The following ATP8A2 variants were observed in gnomAD, a reference collection of about 807,000 sequenced individuals.
The protein encoded by ATP8A2 is phospholipid-transporting ATPase IB.
Under a neutral mutation model 165.6 loss-of-function variants are expected in ATP8A2, and 100 were observed. The observed-to-expected ratio is 0.60, with a 90% CI of 0.51 to 0.71. The LOEUF is 0.71. Ranked by LOEUF, ATP8A2 falls within the 30% of genes least tolerant of loss-of-function variation. The probability of loss-of-function intolerance (pLI) is 0.00; values close to 1 mark genes in which losing one functional copy is unlikely to be tolerated. For synonymous variants in ATP8A2, 543 were observed against 548.8 expected (o/e 0.99, Z 0.15); for missense variants, 1,227 against 1,479.5 (o/e 0.83, Z 2.80).
rs370176907 is a variant in ATP8A2, at chr13:25,761,210, G to A, written c.2385-7836G>A. ...CCAAAATAATACCGTCAGTACATCT[G>A]GGCTCTTACATTACTTGTTCAACAA... On this transcript the variant is annotated intron_variant, in intron 25 of 36. Coordinates refer to ENST00000381655, the MANE Select transcript of ATP8A2 (RefSeq NM_016529.6). 2.0e-5 allele frequency among the ~76,000 whole-genome samples: 3 copies of A among 152,228 alleles called. No individual in the cohort carries two copies. The East Asian group carries it at 5.8e-4, about 29-fold the overall frequency.
At chr13:25,743,754 C>T (rs2138159634) in intron 25 of ATP8A2, among the ~76,000 whole-genome samples, 1 of 152,310 alleles carries the variant, frequency 6.6e-6, no homozygotes, top group Non-Finnish European at 1.5e-5. Context: ...ACAAGTTGAT[C>T]AGTTTCATCC....
In ATP8A2 at chr13:25,631,195, G is replaced by A. The variant is rs890331784; in HGVS notation, c.2211+41496G>A. The stretch of plus-strand genomic sequence containing the variant: ...GAAAAACTCATCTTCAAAATTGACA[G>A]CATCACTGTCCAACAGGACTTTCTG... On this transcript the variant is annotated intron_variant, in intron 24 of 36. Coordinates refer to ENST00000381655, the MANE Select transcript of ATP8A2 (RefSeq NM_016529.6). 1.1e-4 allele frequency among the ~76,000 whole-genome samples: 16 copies of A among 151,920 alleles called. 1 individual carries two copies. Among genetic ancestry groups the A allele is most frequent in the African/African-American group, 3.9e-4 (16 of 41,326 alleles).
At chr13:25,708,461 G>T (rs2137964485) in intron 25 of ATP8A2, among the ~76,000 whole-genome samples, 1 of 152,178 alleles carries the variant, frequency 6.6e-6, no homozygotes, top group Non-Finnish European at 1.5e-5. Context: ...ACGTTAATTG[G>T]TCCCAAAGAA....
intron 2 of ATP8A2, among the ~76,000 whole-genome samples, chr13:25,521,967 C>T (rs1337211847): frequency 2.0e-5 from 3 of 152,138 alleles, no homozygotes; most frequent in Non-Finnish European, 4.4e-5. Flanking sequence ...TTTGTGGTTC[C>T]ATATAAACGT....
intron 2 of ATP8A2, among the ~76,000 whole-genome samples, chr13:25,510,349 T>G (rs1180835727): frequency 6.6e-6 from 1 of 152,134 alleles, no homozygotes; most frequent in Non-Finnish European, 1.5e-5. Flanking sequence ...TGTGGTTTGA[T>G]GAAAAGAAGA....
intron 8 of ATP8A2, 119 bp from the exon 9 acceptor site, chr13:25,541,800 C>T (rs1430534421): frequency 1.8e-6 from 2 of 1,087,302 alleles, no homozygotes; most frequent in Middle Eastern, 2.3e-4. Flanking sequence ...TTGTTAGCCC[C>T]CCAAATTATT....
intron 25 of ATP8A2, among the ~76,000 whole-genome samples, chr13:25,722,837 T>G (rs2043410527): frequency 6.6e-6 from 1 of 152,242 alleles, no homozygotes; most frequent in Non-Finnish European, 1.5e-5. Context: ...ATTTTATTAA[T>G]TTTATCATTC....
chr13:25,699,904 G>GGA (rs2042915868), intron 25 of ATP8A2, among the ~76,000 whole-genome samples: 2 of 98,934 alleles, frequency 2.0e-5, no homozygotes, highest in South Asian at 7.0e-4. Flanking sequence ...CTGGCTATGT[G>GGA]GAGGTCTAGT....
intron 32 of ATP8A2, among the ~76,000 whole-genome samples, chr13:25,861,288 A>G (rs1313514904): frequency 2.0e-5 from 3 of 152,228 alleles, no homozygotes; most frequent in Non-Finnish European, 4.4e-5. Context: ...ATGATGCATT[A>G]TAAAACATAG....
In ATP8A2 at chr13:25,740,440, A is replaced by C. The variant is rs116612524; in HGVS notation, c.2385-28606A>C. 4.5e-3 allele frequency among the ~76,000 whole-genome samples: 682 copies of C among 152,296 alleles called. 7 individuals are homozygous for C. The highest frequency in any genetic ancestry group is 0.016 in the African/African-American group (647 of 41,544). ...GATGGTAAGTCAGTCATTGGCAGAAAGCGACATAACAACAGGGAGTGTGGG... is the reference window on the plus strand; with the variant it reads ...GATGGTAAGTCAGTCATTGGCAGAACGCGACATAACAACAGGGAGTGTGGG... On this transcript the variant is annotated intron_variant, in intron 25 of 36. Transcript: ENST00000381655.
intron 33 of ATP8A2, among the ~76,000 whole-genome samples, chr13:25,870,244 G>A (rs1952637967): frequency 6.6e-6 from 1 of 152,090 alleles, no homozygotes; most frequent in Admixed American, 6.6e-5. Flanking sequence ...TTCTCTCAAC[G>A]TCCAGCCACC....
intron 2 of ATP8A2, among the ~76,000 whole-genome samples, chr13:25,504,794 T>C (rs1376549274): frequency 6.6e-6 from 1 of 150,928 alleles, no homozygotes; most frequent in Non-Finnish European, 1.5e-5. Flanking sequence ...CAGAGTCACT[T>C]TATAGTGTGA....
At chr13:25,985,032 G>A (rs1270893313) in intron 35 of ATP8A2, among the ~76,000 whole-genome samples, 1 of 152,194 alleles carries the variant, frequency 6.6e-6, no homozygotes, top group Non-Finnish European at 1.5e-5. Context: ...TTTAACAACC[G>A]CCTTACACGT....
chr13:25,857,560 C>CA (rs1593458348), intron 30 of ATP8A2, among the ~76,000 whole-genome samples: 1 of 132,100 alleles, frequency 7.6e-6, no homozygotes, highest in Non-Finnish European at 1.6e-5. Context: ...CTTTTCTTTT[C>CA]TTTTTTTTCC....
chr13:25,903,106 A>T (rs1455989934), intron 33 of ATP8A2, among the ~76,000 whole-genome samples: 1 of 152,062 alleles, frequency 6.6e-6, no homozygotes, highest in East Asian at 1.9e-4. Context: ...AGAAGAACGA[A>T]ACTCCGTCTC....
Position 25,476,289 on chromosome 13 carries a change from C to T in ATP8A2, c.221+7168C>T, listed in dbSNP as rs1243592369. Among the ~76,000 whole-genome samples, 24 of 145,278 alleles carry T rather than the reference C, an allele frequency of 1.7e-4. No homozygotes were observed. In the East Asian group the frequency reaches 4.8e-3, roughly 29 times the overall value. Reference sequence around the variant, plus strand: ...ACCAGCATCCTAGTTAGAATCATAACTTTTTTTTTTTTTTGAGATGGAGTC... The same window carrying T: ...ACCAGCATCCTAGTTAGAATCATAATTTTTTTTTTTTTTTGAGATGGAGTC... On this transcript the variant is annotated intron_variant, in intron 2 of 36. Coordinates refer to ENST00000381655, the MANE Select transcript of ATP8A2 (RefSeq NM_016529.6).
chr13:25,939,738 TCA>T (rs1955017350), intron 33 of ATP8A2, among the ~76,000 whole-genome samples: 1 of 152,198 alleles, frequency 6.6e-6, no homozygotes, highest in African/African-American at 2.4e-5. Flanking sequence ...ATTCCCCGAC[TCA>T]CAGCCATCCC....
intron 24 of ATP8A2, among the ~76,000 whole-genome samples, chr13:25,666,190 T>C (rs2042150213): frequency 6.6e-6 from 1 of 151,978 alleles, no homozygotes; most frequent in Non-Finnish European, 1.5e-5. Flanking sequence ...TTTTTATTAA[T>C]TCGTCATTTA....
At chr13:25,425,613 C>T (rs1391808091) in intron 1 of ATP8A2, among the ~76,000 whole-genome samples, 1 of 150,440 alleles carries the variant, frequency 6.6e-6, no homozygotes, top group African/African-American at 2.4e-5. Context: ...CTTGCTCTGT[C>T]GCCCAGGCTG....
Sources: allele counts gnomAD v4.1 joint callset (sites outside exome capture counted in the v4.1 genomes callset), GRCh38; gene constraint gnomAD v4.1.1; transcripts MANE v1.5; gene names NCBI Gene and HGNC (gene_info 2026-07-23, HGNC 2026-07-21).